Variants in ARHGEF28 observed in about 807,000 individuals in gnomAD.
The protein encoded by ARHGEF28 is Rho guanine nucleotide exchange factor 28, also known as 190 kDa guanine nucleotide exchange factor.
A neutral mutation model predicts 206.6 loss-of-function variants in ARHGEF28; 152 were observed. The ratio of observed to expected loss-of-function variants is 0.74; its 90% CI spans 0.64 to 0.84. ARHGEF28 has a LOEUF of 0.84. Among genes scored for constraint, ARHGEF28 ranks in the 40% least tolerant of loss-of-function variants. The pLI is 0.00. For missense variants in ARHGEF28, 2,028 were observed against 2,073.2 expected (o/e 0.98, Z 0.42); for synonymous variants, 763 against 776.4 (o/e 0.98, Z 0.29).
intron 1 of ARHGEF28, among the ~76,000 whole-genome samples, chr5:73,628,737 T>A (rs769115337): frequency 2.8e-4 from 43 of 152,224 alleles, no homozygotes; most frequent in Non-Finnish European, 5.7e-4. Context: ...CATGCTAAAG[T>A]TGTGCTGTAA....
chr5:73,642,377 T>C (rs1744172661), intron 1 of ARHGEF28, among the ~76,000 whole-genome samples: 1 of 152,192 alleles, frequency 6.6e-6, no homozygotes, highest in Non-Finnish European at 1.5e-5. Context: ...TAATTGGCTA[T>C]TTGGTTGGTC....
intron 2 of ARHGEF28, among the ~76,000 whole-genome samples, chr5:73,741,339 A>ATGTG (rs1469338639): frequency 5.0e-5 from 4 of 80,446 alleles, no homozygotes; most frequent in Non-Finnish European, 7.1e-5. Context: ...TTTTAAATTT[A>ATGTG]TATGTGTGTG....
chr5:73,771,094 C>A (rs1472256038), intron 4 of ARHGEF28, among the ~76,000 whole-genome samples: 2 of 152,168 alleles, frequency 1.3e-5, no homozygotes, highest in African/African-American at 4.8e-5. Context: ...TAAATTGATA[C>A]CATGCTTTCC....
chr5:73,721,518 T>C (rs1561356801), intron 2 of ARHGEF28, among the ~76,000 whole-genome samples: 2 of 152,210 alleles, frequency 1.3e-5, no homozygotes, highest in Non-Finnish European at 2.9e-5. Context: ...GCCTCTGCTG[T>C]GATCACTGTT....
In ARHGEF28 at chr5:73,850,331, A is replaced by T. The variant is rs537341945; in HGVS notation, c.1747+1244A>T. The stretch of plus-strand genomic sequence containing the variant: ...AATACATGTCAGTTTTTATTTTTGG[A>T]TGGGGAGATGAAGAAAAGTTACAAG... On this transcript the variant is annotated intron_variant, in intron 13 of 35. Transcript: ENST00000513042. Among the ~76,000 whole-genome samples the T allele has an allele frequency of 2.6e-5, 4 of 152,146 alleles. No homozygotes were observed. The South Asian group carries it at 8.3e-4, about 32-fold the overall frequency.
chr5:73,941,124 T>C lies in ARHGEF28; in HGVS notation c.*111T>C, dbSNP rs2279412. ...GTCTGTGTCCAAATTGCTTTAAGAATAATATTTAATATTTCCTGGAAGCTC... is the reference window on the plus strand; with the variant it reads ...GTCTGTGTCCAAATTGCTTTAAGAACAATATTTAATATTTCCTGGAAGCTC... On this transcript the variant is annotated 3_prime_UTR_variant, in exon 36 of 36. Transcript: ENST00000513042. 9.4e-7 allele frequency: 1 copy of C among 1,063,536 alleles called. No homozygotes were observed. Among genetic ancestry groups the C allele is most frequent in the Non-Finnish European group, 1.2e-6 (1 of 818,612 alleles). The allele number at this position is 1,063,536 out of a possible 1,614,324, so 65.9% of individuals were successfully genotyped here. A position where few individuals can be genotyped will look rare whatever the true frequency, so the allele number is the denominator to read the frequency against.
intron 2 of ARHGEF28, among the ~76,000 whole-genome samples, chr5:73,749,340 A>G (rs1359661134): frequency 6.6e-6 from 1 of 152,196 alleles, no homozygotes; most frequent in African/African-American, 2.4e-5. Flanking sequence ...ATAAAAATTA[A>G]CTCAAGCCAT....
chr5:73,806,878 A>G (rs1019446793), intron 9 of ARHGEF28, among the ~76,000 whole-genome samples: 2 of 146,812 alleles, frequency 1.4e-5, no homozygotes, highest in Non-Finnish European at 3.0e-5. Context: ...TATATTGTAT[A>G]TATTTATATA....
chr5:73,747,712 G>T (rs1751802772), intron 2 of ARHGEF28, among the ~76,000 whole-genome samples: 1 of 152,060 alleles, frequency 6.6e-6, no homozygotes, highest in Non-Finnish European at 1.5e-5. Flanking sequence ...AATATCTTCT[G>T]AGTGTTAGGA....
intron 35 of ARHGEF28, among the ~76,000 whole-genome samples, chr5:73,917,468 A>G (rs1390870265): frequency 6.6e-6 from 1 of 152,246 alleles, no homozygotes; most frequent in Non-Finnish European, 1.5e-5. Flanking sequence ...AAAAGGAAAG[A>G]TGACATTCGC....
chr5:73,637,318 T>C (rs1245259837), intron 1 of ARHGEF28, among the ~76,000 whole-genome samples: 2 of 152,114 alleles, frequency 1.3e-5, no homozygotes, highest in African/African-American at 4.8e-5. Flanking sequence ...TCTCTACCTC[T>C]CCTCCTTCTC....
At chr5:73,759,543 C>T (rs114708511) in intron 4 of ARHGEF28, among the ~76,000 whole-genome samples, 1,717 of 152,116 alleles carry the variant, frequency 0.011, 39 homozygotes, top group African/African-American at 0.039. Flanking sequence ...TACAGAGGCC[C>T]GAAAGGACTT....
intron 2 of ARHGEF28, among the ~76,000 whole-genome samples, chr5:73,743,235 A>T (rs1341570850): frequency 6.6e-6 from 1 of 152,156 alleles, no homozygotes; most frequent in Non-Finnish European, 1.5e-5. Context: ...ATTTTAAAAG[A>T]TATTTTTGTT....
rs185233537 is a variant in ARHGEF28, at chr5:73,728,788, C to T, written c.34-21049C>T. On this transcript the variant is annotated intron_variant, in intron 2 of 35. Transcript: ENST00000513042. The stretch of plus-strand genomic sequence containing the variant: ...ATGTTGCTTTCTGTGGCTGCTCTTT[C>T]CAACATATATCTTGTGTTCCAAAGG... Among the ~76,000 whole-genome samples the T allele has an allele frequency of 3.7e-3, 567 of 152,254 alleles. 1 individual carries two copies. The highest frequency in any genetic ancestry group is 0.013 in the African/African-American group (555 of 41,558).
intron 26 of ARHGEF28, among the ~76,000 whole-genome samples, chr5:73,891,102 T>C (rs1761598489): frequency 6.6e-6 from 1 of 152,212 alleles, no homozygotes; most frequent in Non-Finnish European, 1.5e-5. Flanking sequence ...TACTCTATGC[T>C]TGGCTATGTG....
intron 2 of ARHGEF28, among the ~76,000 whole-genome samples, chr5:73,727,858 C>G (rs1351718254): frequency 6.6e-6 from 1 of 152,180 alleles, no homozygotes; most frequent in African/African-American, 2.4e-5. Context: ...GGGGTCATCA[C>G]CTTCCCTGTT....
chr5:73,864,258 C>A (rs779576277), intron 16 of ARHGEF28, among the ~76,000 whole-genome samples: 1 of 152,186 alleles, frequency 6.6e-6, no homozygotes, highest in Non-Finnish European at 1.5e-5. Context: ...TGTTTTATGA[C>A]ATGTGCCCAT....
At chr5:73,668,206 C>T (rs747304984) in intron 1 of ARHGEF28, among the ~76,000 whole-genome samples, 16 of 152,150 alleles carry the variant, frequency 1.1e-4, no homozygotes, top group African/African-American at 3.4e-4. Flanking sequence ...GCTTCATTTT[C>T]GGGTGTTTGT....
At chr5:73,631,236 T>C (rs895890839) in intron 1 of ARHGEF28, among the ~76,000 whole-genome samples, 3 of 152,214 alleles carry the variant, frequency 2.0e-5, no homozygotes, top group African/African-American at 7.2e-5. Context: ...GAGGTTTCAT[T>C]GGGCTGGATG....
Sources: gnomAD v4.1 joint callset for allele counts (sites outside exome capture counted in the v4.1 genomes callset) on GRCh38, gnomAD v4.1.1 for gene constraint, MANE v1.5 for transcripts, NCBI Gene and HGNC (gene_info 2026-07-23, HGNC 2026-07-21) for gene names.